Variants in POC1B observed in about 807,000 individuals in gnomAD.
POC1B encodes the protein POC1 centriolar protein homolog B.
POC1B carries 44 observed loss-of-function variants against 60.6 expected under a neutral mutation model. The ratio of observed to expected loss-of-function variants is 0.73; its 90% CI spans 0.57 to 0.93. The LOEUF is 0.93. POC1B is among the 40% of genes least tolerant of loss of function. The pLI is 0.00. For synonymous variants in POC1B, 180 were observed against 198.9 expected, an observed-to-expected ratio of 0.90 and a Z score of 0.80; for missense variants, 555 against 572.3, an observed-to-expected ratio of 0.97 and a Z score of 0.31.
chr12:89,403,969 C>T, the POC1B span, among the ~76,000 whole-genome samples: 2 of 152,090 alleles, frequency 1.3e-5, no homozygotes, highest in African/African-American at 4.8e-5. Flanking sequence ...CCTGTCTCTA[C>T]TAAAAATACA....
chr12:89,484,418 T>G (rs1228710033), intron 4 of POC1B, among the ~76,000 whole-genome samples: 1 of 152,252 alleles, frequency 6.6e-6, no homozygotes, highest in African/African-American at 2.4e-5. Context: ...TGATAGTAGC[T>G]ATCTATATTA....
intron 3 of POC1B, among the ~76,000 whole-genome samples, chr12:89,493,595 A>G (rs17365885): frequency 0.014 from 2,207 of 152,358 alleles, 21 homozygotes; most frequent in Non-Finnish European, 0.023. Context: ...GGTAAATTTC[A>G]TGAGTGGAAA....
At chr12:89,496,271 G>A (rs80189756) in intron 3 of POC1B, among the ~76,000 whole-genome samples, 56 of 152,250 alleles carry the variant, frequency 3.7e-4, no homozygotes, top group Admixed American at 2.0e-4. Context: ...TAATGCCGCC[G>A]CTGATCCGAC....
intron 2 of POC1B, chr12:89,502,154 G>A: frequency 8.4e-7 from 1 of 1,189,066 alleles, no homozygotes; most frequent in South Asian, 1.2e-5. Flanking sequence ...TTAGAGGAAA[G>A]TGGACCTTCC....
At chr12:89,469,282 T>C (rs1347759805) in intron 7 of POC1B, among the ~76,000 whole-genome samples, 1 of 151,892 alleles carries the variant, frequency 6.6e-6, no homozygotes, top group Non-Finnish European at 1.5e-5. Context: ...ATAATAAATT[T>C]AAAAAATTGA....
chr12:89,456,002 CTTT>C (rs1165409256), intron 10 of POC1B, among the ~76,000 whole-genome samples: 5 of 135,616 alleles, frequency 3.7e-5, no homozygotes, highest in East Asian at 4.7e-4. Context: ...GTTTAAAACT[CTTT>C]TTTGTTGTTG....
At position 89,509,651 on chromosome 12, in the gene POC1B, C is replaced by A. The variant is rs78708818; in HGVS notation, c.101-12309G>T. On this transcript the variant is annotated intron_variant, in intron 2 of 11. Transcript: ENST00000313546. ...ATCAATTGATATAGGTATTAAAAACCATGAGTTCTAATCTAACACCACAGA... is the reference window on the plus strand; with the variant it reads ...ATCAATTGATATAGGTATTAAAAACAATGAGTTCTAATCTAACACCACAGA... Among the ~76,000 whole-genome samples, 1,161 of 152,228 alleles carry A rather than the reference C, an allele frequency of 7.6e-3. 10 individuals carry two copies. Among genetic ancestry groups the A allele is most frequent in the African/African-American group, 0.026 (1,085 of 41,520 alleles).
At chr12:89,436,693 G>A (rs924251645) in intron 10 of POC1B, among the ~76,000 whole-genome samples, 1 of 150,560 alleles carries the variant, frequency 6.6e-6, no homozygotes, top group Non-Finnish European at 1.5e-5. Context: ...CAGCTTGGGC[G>A]ATGGAGCAAG....
intron 2 of POC1B, among the ~76,000 whole-genome samples, chr12:89,503,721 CCCGGCCGCCCCGT>C: frequency 1.3e-5 from 2 of 150,904 alleles, no homozygotes; most frequent in African/African-American, 4.9e-5. Flanking sequence ...AGCGTCTCTG[CCCGGCCGCCCCGT>C]CTGAGAAGTG....
At chr12:89,500,424 T>G in intron 2 of POC1B, 1 of 1,535,328 alleles carries the variant, frequency 6.5e-7, no homozygotes, top group Non-Finnish European at 9.0e-7. Flanking sequence ...AACAGATCAG[T>G]TCAGGCCCAT....
chr12:89,425,188 A>G lies in POC1B; in HGVS notation c.1305T>C (p.Ile435=). The G allele has an allele frequency of 6.2e-7, 1 of 1,614,160 alleles. No homozygotes were observed. The highest frequency in any genetic ancestry group is 8.5e-7 in the Non-Finnish European group (1 of 1,179,996). Residue 435 remains isoleucine, a synonymous_variant, in exon 11 of 12, where the codon ATT becomes ATC. Coordinates refer to ENST00000313546, the MANE Select transcript of POC1B (RefSeq NM_172240.3). The part of the protein sequence containing the change: ...PLAVTDALEH[I]MEQLNVLTQT... ...GTGTCAAAACATTGAGTTGTTCCATAATATGCTCTAAAGCATCAGTCACAG... is the reference window on the plus strand; with the variant it reads ...GTGTCAAAACATTGAGTTGTTCCATGATATGCTCTAAAGCATCAGTCACAG...
intron 10 of POC1B, among the ~76,000 whole-genome samples, chr12:89,432,449 C>T (rs1382217139): frequency 6.9e-6 from 1 of 144,888 alleles, no homozygotes; most frequent in Non-Finnish European, 1.5e-5. Flanking sequence ...GCCCTCTTTG[C>T]CATGTAAGGA....
At chr12:89,405,178 G>GT in the POC1B span, among the ~76,000 whole-genome samples, 1 of 152,098 alleles carries the variant, frequency 6.6e-6, no homozygotes, top group African/African-American at 2.4e-5. Flanking sequence ...AACTAACATG[G>GT]TTAAAAAAAA....
At chr12:89,482,344 A>G (rs1409199115) in intron 4 of POC1B, among the ~76,000 whole-genome samples, 2 of 152,204 alleles carry the variant, frequency 1.3e-5, no homozygotes, top group Non-Finnish European at 2.9e-5. Flanking sequence ...CTGTGGGACA[A>G]TATCAAGTGG....
intron 2 of POC1B, among the ~76,000 whole-genome samples, chr12:89,511,173 A>G (rs940817176): frequency 6.6e-6 from 1 of 152,078 alleles, no homozygotes; most frequent in African/African-American, 2.4e-5. Flanking sequence ...CTGTAAGCCC[A>G]ACACTTTGGG....
intron 10 of POC1B, among the ~76,000 whole-genome samples, chr12:89,436,798 T>C (rs140918610): frequency 6.0e-4 from 91 of 152,050 alleles, no homozygotes; most frequent in Non-Finnish European, 1.1e-3. Flanking sequence ...TGAGGTGCAA[T>C]TAATGTAGAT....
chr12:89,411,832 T>A, the POC1B span, among the ~76,000 whole-genome samples: 1 of 152,202 alleles, frequency 6.6e-6, no homozygotes, highest in African/African-American at 2.4e-5. Context: ...TTGACACAGT[T>A]GTTATTAGTG....
At chr12:89,451,246 A>C (rs745721723) in intron 10 of POC1B, among the ~76,000 whole-genome samples, 5 of 152,240 alleles carry the variant, frequency 3.3e-5, no homozygotes, top group African/African-American at 7.2e-5. Context: ...AAAGTATGAG[A>C]ATGTTGCCAC....
chr12:89,522,552 A>C (rs1870973692), intron 2 of POC1B: 2 of 366,958 alleles, frequency 5.5e-6, no homozygotes, highest in Non-Finnish European at 9.6e-6. Flanking sequence ...TTCATAGTCA[A>C]CTTCTTTTAA....
Sources: gnomAD v4.1 joint callset for allele counts (sites outside exome capture counted in the v4.1 genomes callset) on GRCh38, gnomAD v4.1.1 for gene constraint, MANE v1.5 for transcripts, NCBI Gene and HGNC (gene_info 2026-07-23, HGNC 2026-07-21) for gene names.